The following JADE2 variants were observed in gnomAD, a reference collection of about 807,000 sequenced individuals.
The protein encoded by JADE2 is E3 ubiquitin-protein ligase Jade-2.
JADE2 carries 13 observed loss-of-function variants against 85.7 expected under a neutral mutation model. The ratio of observed to expected loss-of-function variants is 0.15; its 90% CI spans 0.10 to 0.24. The LOEUF (loss-of-function observed/expected upper bound fraction) is 0.24, where lower values mean the gene tolerates loss of function less well. JADE2 is among the 10% of genes least tolerant of loss of function. The pLI, the probability that JADE2 is intolerant of heterozygous loss-of-function variation, is 1.00. For synonymous variants in JADE2, 440 were observed against 456.1 expected (o/e 0.96, Z 0.45); for missense variants, 846 against 1,115.9 (o/e 0.76, Z 3.45).
chr5:134,577,432 C>T (rs1009552452), intron 11 of JADE2, among the ~76,000 whole-genome samples: 7 of 152,230 alleles, frequency 4.6e-5, no homozygotes, highest in Admixed American at 6.5e-5. Flanking sequence ...ATGGACCTCA[C>T]GTGCTTCCTC....
chr5:134,541,627 G>T (rs1761966955), intron 3 of JADE2, among the ~76,000 whole-genome samples: 1 of 152,210 alleles, frequency 6.6e-6, no homozygotes, highest in Non-Finnish European at 1.5e-5. Flanking sequence ...TGTGTGTGCT[G>T]TGGAAAGCCC....
In JADE2 at chr5:134,566,649, C is replaced by T. The variant is rs1426401880; in HGVS notation, c.1434+69C>T. ...AGGAGTCCTTTCCATGCCACACTCA[C>T]TGCCCTGGAGCAGCTAGGACTCACC... On this transcript the variant is annotated intron_variant, in intron 9 of 11. Transcript: ENST00000681547. This position sits in a 1 kb window ranked among gnomAD's most constrained non-coding sequence, Gnocchi z 6.7. The T allele has an allele frequency of 8.0e-5, 95 of 1,186,582 alleles. No homozygotes were observed. The highest frequency in any genetic ancestry group is 1.1e-4 in the Non-Finnish European group (94 of 851,624). The allele number at this position is 1,186,582 out of a possible 1,614,324, so 73.5% of individuals were successfully genotyped here.
intron 3 of JADE2, among the ~76,000 whole-genome samples, chr5:134,551,637 CAA>C (rs1762598678): frequency 6.6e-6 from 1 of 152,068 alleles, no homozygotes; most frequent in African/African-American, 2.4e-5. Context: ...CTCAGCCTCC[CAA>C]AGTGTTGGGA....
intron 1 of JADE2, among the ~76,000 whole-genome samples, chr5:134,530,017 G>C (rs1761132465): frequency 6.6e-6 from 1 of 152,248 alleles, no homozygotes; most frequent in Non-Finnish European, 1.5e-5. Flanking sequence ...TAGACTTGGA[G>C]AAGCAGGTCC....
Position 134,560,924 on chromosome 5 carries a change from C to A in JADE2, c.651C>A (p.Val217=). 6.2e-7 allele frequency: 1 copy of A among 1,614,114 alleles called. No homozygotes were observed. Among genetic ancestry groups the A allele is most frequent in the Non-Finnish European group, 8.5e-7 (1 of 1,179,974 alleles). ...AGGGCGAGGATGGCAACGAGATGGT[C>A]TTCTGTGACAAGTGCAACGTCTGTG... ...SPEGEDGNEM[V]FCDKCNVCVH... Residue 217 remains valine (V), a synonymous_variant, in exon 6 of 12, where the codon GTC becomes GTA. Coordinates refer to ENST00000681547, the MANE Select transcript of JADE2 (RefSeq NM_001388185.1).
chr5:134,574,481 T>C (rs1160872057), intron 10 of JADE2: 2 of 152,304 alleles, frequency 1.3e-5, no homozygotes, highest in Non-Finnish European at 2.9e-5. Flanking sequence ...AATAGCTGGA[T>C]GGAGAGAGAT....
Position 134,573,633 on chromosome 5 carries a change from T to C in JADE2, c.1435-12T>C. 1.2e-6 allele frequency: 2 copies of C among 1,600,604 alleles called. No homozygotes were observed. Among genetic ancestry groups the C allele is most frequent in the Non-Finnish European group, 1.7e-6 (2 of 1,167,762 alleles). On this transcript the variant is annotated splice_polypyrimidine_tract_variant and intron_variant, in intron 9 of 11. Transcript: ENST00000681547. ...CTGTGAGTAAGGTGGAAAATCTCTC[T>C]TGTTTTCTCAGGTTAGAAATCTGTG... is the stretch of plus-strand genomic sequence containing the variant.
In JADE2 at chr5:134,578,579, G is replaced by A; in HGVS notation, c.1767G>A (p.Met589Ile). The A allele has an allele frequency of 6.2e-7, 1 of 1,614,090 alleles. No homozygotes were observed. The highest frequency in any genetic ancestry group is 8.5e-7 in the Non-Finnish European group (1 of 1,179,992). ...CGGTGCAGATCACAGCAGAGAACAT[G>A]GCCATGAGCGAGTGGCCACTGAACA... ...AQSVQITAEN[M>I]AMSEWPLNNG... The change falls in exon 12 of 12, where the codon ATG becomes ATA. Residue 589 changes from methionine (M) to isoleucine (I), a missense_variant. Transcript: ENST00000681547. This position sits in a 1 kb window ranked among gnomAD's most constrained non-coding sequence, Gnocchi z 4.4.
In JADE2 at chr5:134,581,169, C is replaced by T. The variant is rs1764693727; in HGVS notation, c.*1852C>T. 1 of 152,548 alleles carries T rather than the reference C, an allele frequency of 6.6e-6. No homozygotes were observed. Among genetic ancestry groups the T allele is most frequent in the South Asian group, 2.1e-4 (1 of 4,836 alleles). 9.4% of individuals were successfully genotyped at this position (152,548 alleles called of 1,614,324 possible). A position where few individuals can be genotyped will look rare whatever the true frequency, so the allele number is the denominator to read the frequency against. On this transcript the variant is annotated 3_prime_UTR_variant, in exon 12 of 12. Transcript: ENST00000681547. Reference sequence around the variant, plus strand: ...AGTTCAGAGGATCGGACAAATGTGTCTAGTCCGGGTGGACTCGGAGGGAGT... The same window carrying T: ...AGTTCAGAGGATCGGACAAATGTGTTTAGTCCGGGTGGACTCGGAGGGAGT...
chr5:134,548,863 G>T (rs1762445074), intron 3 of JADE2, among the ~76,000 whole-genome samples: 1 of 152,212 alleles, frequency 6.6e-6, no homozygotes. Flanking sequence ...GTTGCTCAGA[G>T]GCGCTTGTTC....
At chr5:134,538,803 C>CA (rs1330763972) in intron 3 of JADE2, among the ~76,000 whole-genome samples, 1 of 151,686 alleles carries the variant, frequency 6.6e-6, no homozygotes, top group Admixed American at 6.6e-5. Flanking sequence ...GCCTTTGGCA[C>CA]AGATGGGGCT....
At chr5:134,549,572 G>A (rs1223581314) in intron 3 of JADE2, among the ~76,000 whole-genome samples, 3 of 152,028 alleles carry the variant, frequency 2.0e-5, no homozygotes, top group East Asian at 1.9e-4. Flanking sequence ...CAGAAGAATC[G>A]TTTGAACCCA....
chr5:134,558,784 C>T (rs1763143694), intron 4 of JADE2, among the ~76,000 whole-genome samples: 1 of 152,234 alleles, frequency 6.6e-6, no homozygotes, highest in East Asian at 1.9e-4. Flanking sequence ...GTGATTCACC[C>T]GCCTTGGACT....
chr5:134,573,639 TC>T lies in JADE2; in HGVS notation c.1435-5del. 3 of 1,605,620 alleles carry T rather than the reference TC, an allele frequency of 1.9e-6. No individual in the cohort carries two copies. The highest frequency in any genetic ancestry group is 1.7e-6 in the Non-Finnish European group (2 of 1,172,266). ...GTAAGGTGGAAAATCTCTCTTGTTT[TC>T]TCAGGTTAGAAATCTGTGCTACATG... On this transcript the variant is annotated splice_polypyrimidine_tract_variant and splice_region_variant and intron_variant, in intron 9 of 11. Transcript: ENST00000681547.
intron 1 of JADE2, chr5:134,526,704 A>G (rs1760849058): frequency 4.1e-6 from 4 of 985,126 alleles, no homozygotes; most frequent in Non-Finnish European, 3.6e-6. Context: ...CTGGGGTTGG[A>G]GGCTCTGCAC....
chr5:134,543,396 G>A lies in JADE2; in HGVS notation c.153+5313G>A, dbSNP rs559107847. Reference sequence around the variant, plus strand: ...GGTTAAGAACAACTGCCATAGGCCCGGTGCGGTGGCTCATGCCTGTAATCC... The same window carrying A: ...GGTTAAGAACAACTGCCATAGGCCCAGTGCGGTGGCTCATGCCTGTAATCC... On this transcript the variant is annotated intron_variant, in intron 3 of 11. Coordinates refer to ENST00000681547, the MANE Select transcript of JADE2 (RefSeq NM_001388185.1). 1.1e-4 allele frequency among the ~76,000 whole-genome samples: 16 copies of A among 151,496 alleles called. No homozygotes were observed. In the South Asian group the frequency reaches 3.1e-3, roughly 30 times the overall value.
At chr5:134,577,763 C>T (rs529078345) in intron 11 of JADE2, among the ~76,000 whole-genome samples, 4 of 152,300 alleles carry the variant, frequency 2.6e-5, no homozygotes, top group South Asian at 2.1e-4. Context: ...TCTCCCGTCT[C>T]GCCAGCTGCC....
intron 3 of JADE2, among the ~76,000 whole-genome samples, chr5:134,539,824 G>T (rs1430156560): frequency 2.0e-5 from 3 of 152,172 alleles, no homozygotes; most frequent in Admixed American, 6.5e-5. Context: ...CTTGGAGGGG[G>T]GCTTCTGCAG....
Position 134,537,979 on chromosome 5 carries a change from C to G in JADE2, c.59-10C>G. On this transcript the variant is annotated splice_polypyrimidine_tract_variant and intron_variant, in intron 2 of 11. Coordinates refer to ENST00000681547, the MANE Select transcript of JADE2 (RefSeq NM_001388185.1). ...TCCAGGACCCCTAATGGACTGTTCT[C>G]TCTCTGCAGGTCATGCGACATCTAC... 10 of 1,611,774 alleles carry G rather than the reference C, an allele frequency of 6.2e-6. No homozygotes were observed. The highest frequency in any genetic ancestry group is 8.5e-6 in the Non-Finnish European group (10 of 1,177,972).
Sources: allele counts gnomAD v4.1 joint callset (sites outside exome capture counted in the v4.1 genomes callset), GRCh38; gene constraint gnomAD v4.1.1; non-coding constraint Gnocchi (gnomAD v3.1); transcripts MANE v1.5; gene names NCBI Gene and HGNC (gene_info 2026-07-23, HGNC 2026-07-21).